The following SLIT3 variants were observed in gnomAD, a reference collection of about 807,000 sequenced individuals.
SLIT3 encodes slit guidance ligand 3.
Under a neutral mutation model 184.0 loss-of-function variants are expected in SLIT3, and 68 were observed. That is an observed-to-expected ratio of 0.37 (90% CI 0.30 to 0.45). The LOEUF is 0.45. Among genes scored for constraint, SLIT3 ranks in the 20% least tolerant of loss-of-function variants. The pLI is 1.00. For missense variants in SLIT3, 1,707 were observed against 2,026.0 expected, an observed-to-expected ratio of 0.84 and a Z score of 3.02; for synonymous variants, 831 against 828.6, an observed-to-expected ratio of 1.00 and a Z score of -0.05.
intron 14 of SLIT3, among the ~76,000 whole-genome samples, chr5:168,768,819 T>C (rs899377458): frequency 2.0e-5 from 3 of 152,150 alleles, no homozygotes; most frequent in Non-Finnish European, 2.9e-5. Flanking sequence ...TTATATCCTT[T>C]GAGGTCAGCA....
At chr5:168,764,992 T>C (rs1352766746) in intron 14 of SLIT3, among the ~76,000 whole-genome samples, 1 of 152,154 alleles carries the variant, frequency 6.6e-6, no homozygotes, top group Non-Finnish European at 1.5e-5. Context: ...CACCAGTGGA[T>C]CCACAGAGTG....
chr5:168,953,231 T>C lies in SLIT3; in HGVS notation c.414-69895A>G, dbSNP rs1762719691. 2.0e-5 allele frequency among the ~76,000 whole-genome samples: 3 copies of C among 152,206 alleles called. No individual in the cohort carries two copies. The South Asian group carries it at 6.2e-4, about 32-fold the overall frequency. ...TCAGTATAACCCAAATGGATGCTTC[T>C]TCCACGCCCATGGCTGCAAGCAAAT... is the stretch of plus-strand genomic sequence containing the variant. On this transcript the variant is annotated intron_variant, in intron 4 of 35. Coordinates refer to ENST00000519560, the MANE Select transcript of SLIT3 (RefSeq NM_003062.4).
chr5:169,256,434 C>G (rs1230170218), intron 1 of SLIT3, among the ~76,000 whole-genome samples: 2 of 152,234 alleles, frequency 1.3e-5, no homozygotes, highest in Admixed American at 1.3e-4. Flanking sequence ...CCCATATCTC[C>G]TATGTGTGTA....
chr5:168,888,088 C>T (rs781535131), intron 4 of SLIT3, among the ~76,000 whole-genome samples: 33 of 152,104 alleles, frequency 2.2e-4, no homozygotes, highest in African/African-American at 8.0e-4. Flanking sequence ...GAAACAGACA[C>T]CGAGCCAAGG....
At chr5:169,146,667 C>T (rs964149169) in intron 4 of SLIT3, among the ~76,000 whole-genome samples, 4 of 152,286 alleles carry the variant, frequency 2.6e-5, no homozygotes, top group Non-Finnish European at 4.4e-5. Flanking sequence ...TCTTCCAAAC[C>T]CAAGTCACAC....
At chr5:168,748,472 A>G in intron 19 of SLIT3, 38 bp from the exon 20 acceptor site, 1 of 1,500,822 alleles carries the variant, frequency 6.7e-7, no homozygotes, top group Non-Finnish European at 8.8e-7. Context: ...GTTGTGGGAG[A>G]TAAGCCCCAC....
At chr5:169,258,502 G>A (rs986113985) in intron 1 of SLIT3, among the ~76,000 whole-genome samples, 3 of 152,146 alleles carry the variant, frequency 2.0e-5, no homozygotes, top group Non-Finnish European at 4.4e-5. Flanking sequence ...TTCTTGCTGT[G>A]TTTACCCCTG....
At chr5:169,135,181 A>T (rs192827527) in intron 4 of SLIT3, among the ~76,000 whole-genome samples, 4 of 152,120 alleles carry the variant, frequency 2.6e-5, no homozygotes, top group East Asian at 1.9e-4. Flanking sequence ...ATCTCAGCTC[A>T]TTGCAATCTC....
chr5:168,752,935 G>C lies in SLIT3; in HGVS notation c.1973+20C>G. On this transcript the variant is annotated intron_variant, in intron 18 of 35. Coordinates refer to ENST00000519560, the MANE Select transcript of SLIT3 (RefSeq NM_003062.4). The stretch of plus-strand genomic sequence containing the variant: ...AGTGGGATCCCAGAGTCCGTGGGCA[G>C]TGGACCCAGGAGAACTTACATGGTG... 6.2e-7 allele frequency: 1 copy of C among 1,613,130 alleles called. No individual in the cohort carries two copies. The highest frequency in any genetic ancestry group is 8.5e-7 in the Non-Finnish European group (1 of 1,179,202).
chr5:169,300,833 G>C lies in SLIT3; in HGVS notation c.-124C>G. 9.8e-7 allele frequency: 1 copy of C among 1,019,254 alleles called. No individual in the cohort carries two copies. Among genetic ancestry groups the C allele is most frequent in the Non-Finnish European group, 1.2e-6 (1 of 802,376 alleles). The allele number at this position is 1,019,254 out of a possible 1,614,324, so 63.1% of individuals were successfully genotyped here. ...GGCGGCGGAGTTAGCGCGGAGGAGGGGCGAGCTCGGTGCTCAGGCGCACGG... is the reference window on the plus strand; with the variant it reads ...GGCGGCGGAGTTAGCGCGGAGGAGGCGCGAGCTCGGTGCTCAGGCGCACGG... On this transcript the variant is annotated 5_prime_UTR_variant, in exon 1 of 36. Coordinates refer to ENST00000519560, the MANE Select transcript of SLIT3 (RefSeq NM_003062.4). This position sits in a 1 kb window ranked among gnomAD's most constrained non-coding sequence, Gnocchi z 4.1.
At chr5:169,230,780 C>T (rs1412426142) in intron 3 of SLIT3, among the ~76,000 whole-genome samples, 1 of 152,146 alleles carries the variant, frequency 6.6e-6, no homozygotes, top group African/African-American at 2.4e-5. Context: ...ATTCAAATCT[C>T]AGAATGGTAA....
intron 4 of SLIT3, among the ~76,000 whole-genome samples, chr5:168,944,322 G>A (rs745852904): frequency 2.6e-5 from 4 of 152,126 alleles, no homozygotes; most frequent in Non-Finnish European, 5.9e-5. Flanking sequence ...AGAGACAAAG[G>A]GAAGAGAGGT....
intron 14 of SLIT3, among the ~76,000 whole-genome samples, chr5:168,765,182 G>A (rs1052618287): frequency 8.5e-5 from 13 of 152,200 alleles, no homozygotes; most frequent in Non-Finnish European, 1.6e-4. Flanking sequence ...GGCTGTGGCT[G>A]GGGACAGCCG....
At chr5:168,705,430 A>C (rs1430069368) in intron 26 of SLIT3, among the ~76,000 whole-genome samples, 3 of 152,120 alleles carry the variant, frequency 2.0e-5, no homozygotes, top group Admixed American at 1.3e-4. Context: ...TACTGTTATT[A>C]TCATAGTTAT....
chr5:169,262,611 G>A (rs981159809), intron 1 of SLIT3, among the ~76,000 whole-genome samples: 1 of 152,164 alleles, frequency 6.6e-6, no homozygotes, highest in African/African-American at 2.4e-5. Context: ...ACCAATTTAA[G>A]AGCCCTCAGC....
intron 18 of SLIT3, among the ~76,000 whole-genome samples, chr5:168,750,373 C>T (rs1437193756): frequency 1.3e-5 from 2 of 152,172 alleles, no homozygotes; most frequent in Admixed American, 6.5e-5. Context: ...TCACAGCGAC[C>T]CTATGAAGGA....
At chr5:168,786,593 C>CCAGGAACG in intron 11 of SLIT3, among the ~76,000 whole-genome samples, 1 of 151,978 alleles carries the variant, frequency 6.6e-6, no homozygotes, top group South Asian at 2.1e-4. Context: ...TCTTTGAGTT[C>CCAGGAACG]CAGGAACGCA....
intron 4 of SLIT3, among the ~76,000 whole-genome samples, chr5:168,895,725 T>G (rs1760637075): frequency 6.6e-6 from 1 of 152,230 alleles, no homozygotes; most frequent in Non-Finnish European, 1.5e-5. Context: ...TGCTAATAAC[T>G]CACACCTGTG....
At chr5:168,895,426 A>T (rs1017672136) in intron 4 of SLIT3, among the ~76,000 whole-genome samples, 3 of 152,172 alleles carry the variant, frequency 2.0e-5, no homozygotes, top group African/African-American at 7.2e-5. Flanking sequence ...TTTTCAGAAG[A>T]CCATTAAACA....
Sources: gnomAD v4.1 joint callset for allele counts (sites outside exome capture counted in the v4.1 genomes callset) on GRCh38, gnomAD v4.1.1 for gene constraint, Gnocchi (gnomAD v3.1) non-coding constraint, MANE v1.5 for transcripts, NCBI Gene and HGNC (gene_info 2026-07-23, HGNC 2026-07-21) for gene names.